The following LMF1 variants were observed in gnomAD, a reference collection of about 807,000 sequenced individuals.
The protein encoded by LMF1 is transmembrane protein 112.
A neutral mutation model predicts 60.6 loss-of-function variants in LMF1; 68 were observed. That is an observed-to-expected ratio of 1.12 (90% confidence interval 0.92 to 1.37). LMF1 has a LOEUF of 1.37. Among genes scored for constraint, LMF1 ranks in the 40% most tolerant of loss-of-function variants. The pLI is 0.00. For missense variants in LMF1, 948 were observed against 767.2 expected, an observed-to-expected ratio of 1.24 and a Z score of -2.78; for synonymous variants, 418 against 324.7, an observed-to-expected ratio of 1.29 and a Z score of -3.09.
upstream of LMF1, among the ~76,000 whole-genome samples, chr16:973,123 A>G (rs2073080214): frequency 6.6e-6 from 1 of 152,152 alleles, no homozygotes; most frequent in South Asian, 2.1e-4. Context: ...CAGGTGGATC[A>G]CCTGAGGTCA....
intron 4 of LMF1, among the ~76,000 whole-genome samples, chr16:894,035 GCCCACTCGTCCCCTGTCCACCA>G (rs2070579457): frequency 8.2e-6 from 1 of 121,736 alleles, no homozygotes. Context: ...CGGGCCGTCT[GCCCACTCGTCCCCTGTCCACCA>G]GACCATCCGC....
intron 1 of LMF1, chr16:980,811 C>T (rs2073332740): frequency 6.6e-6 from 1 of 152,270 alleles, no homozygotes. Flanking sequence ...CGCCCTCTCC[C>T]CGCCTCCGCA....
rs778121998 is a variant in LMF1 at position 970,907 on chromosome 16, G to A, written c.74C>T (p.Pro25Leu). ...LRRRKTGYSD[P>L]EPESPPAPGR... is the part of the protein sequence containing the mutation. ...CGGCGCGGGCGGCGACTCAGGCTCC[G>A]GATCCGAGTACCCAGTCTTCCGCCT... is the stretch of plus-strand genomic sequence containing the variant. Residue 25 changes from proline (P) to leucine (L), a missense_variant, in exon 1 of 11, where the codon CCG becomes CTG. Physicochemically the swap from Pro to Leu is moderately conservative, Grantham distance 98. Coordinates refer to ENST00000262301, the MANE Select transcript of LMF1 (RefSeq NM_022773.4). 3.2e-6 allele frequency: 5 copies of A among 1,581,716 alleles called. No homozygotes were observed. Among genetic ancestry groups the A allele is most frequent in the Non-Finnish European group, 4.3e-6 (5 of 1,165,542 alleles).
intron 5 of LMF1, 89 bp from the exon 6 acceptor site, chr16:879,826 C>A: frequency 7.6e-7 from 1 of 1,308,892 alleles, no homozygotes. Flanking sequence ...CCCCCTGACC[C>A]CGGCTCCTAC....
At chr16:892,217 G>A (rs141814637) in intron 5 of LMF1, among the ~76,000 whole-genome samples, 10 of 152,326 alleles carry the variant, frequency 6.6e-5, no homozygotes, top group Admixed American at 5.9e-4. Context: ...ACTGGCTGTC[G>A]GCAGCAGGCA....
At chr16:932,269 C>T (rs902597393) in intron 3 of LMF1, among the ~76,000 whole-genome samples, 1 of 152,210 alleles carries the variant, frequency 6.6e-6, no homozygotes, top group East Asian at 1.9e-4. Context: ...TCATCCTCAG[C>T]GATGGGTCCT....
Position 883,074 on chromosome 16 carries a change from C to T in LMF1, c.730-3337G>A, listed in dbSNP as rs192168608. Among the ~76,000 whole-genome samples, 171 of 147,112 alleles carry T rather than the reference C, an allele frequency of 1.2e-3. 1 individual carries two copies. Among genetic ancestry groups the T allele is most frequent in the Middle Eastern group, 3.6e-3 (1 of 276 alleles). On this transcript the variant is annotated intron_variant, in intron 5 of 10. Coordinates refer to ENST00000262301, the MANE Select transcript of LMF1 (RefSeq NM_022773.4). ...ACCAGGAGAAAGAGGAGCCACCCAGCGGAGCCCATTGCAGGACCAGGAGAA... is the reference window on the plus strand; with the variant it reads ...ACCAGGAGAAAGAGGAGCCACCCAGTGGAGCCCATTGCAGGACCAGGAGAA...
At chr16:930,112 GAGCCCAGGACAGC>G in intron 3 of LMF1, among the ~76,000 whole-genome samples, 1 of 105,600 alleles carries the variant, frequency 9.5e-6, no homozygotes. Context: ...CTGGGACACA[GAGCCCAGGACAGC>G]AGTGGTGGCG....
intron 10 of LMF1, among the ~76,000 whole-genome samples, chr16:867,169 T>A (rs1357413470): frequency 6.6e-6 from 1 of 152,224 alleles, no homozygotes; most frequent in African/African-American, 2.4e-5. Flanking sequence ...TGTTCAATAA[T>A]GTTTTCCCTA....
chr16:920,827 G>A (rs145410946), intron 3 of LMF1, among the ~76,000 whole-genome samples: 43 of 152,346 alleles, frequency 2.8e-4, no homozygotes, highest in African/African-American at 9.6e-4. Flanking sequence ...TCGACTTCCC[G>A]TCCAAAACGA....
intron 3 of LMF1, among the ~76,000 whole-genome samples, chr16:922,459 G>A (rs1362662615): frequency 1.3e-5 from 2 of 152,218 alleles, no homozygotes; most frequent in East Asian, 1.9e-4. Context: ...CACCTAACGT[G>A]GCCAGCCCTT....
intron 4 of LMF1, among the ~76,000 whole-genome samples, chr16:909,791 G>A (rs577730275): frequency 1.1e-4 from 16 of 152,354 alleles, no homozygotes; most frequent in African/African-American, 3.8e-4. Context: ...ACCTGAAGCT[G>A]AACACAGGCA....
intron 2 of LMF1, among the ~76,000 whole-genome samples, chr16:935,245 G>A (rs536316485): frequency 2.6e-4 from 40 of 152,150 alleles, no homozygotes; most frequent in African/African-American, 8.4e-4. Context: ...GACCACAGGT[G>A]TACACCATGA....
At position 863,008 on chromosome 16, in the gene LMF1, G is replaced by C. The variant is rs73495292; in HGVS notation, c.1529+5936C>G. On this transcript the variant is annotated intron_variant, in intron 10 of 10. Transcript: ENST00000262301. Reference sequence around the variant, plus strand: ...TTTAAAATGACAAATTCAATTTCTAGTTATAGGGCTATTTAAATTATTATT... The same window carrying C: ...TTTAAAATGACAAATTCAATTTCTACTTATAGGGCTATTTAAATTATTATT... 9.3e-3 allele frequency among the ~76,000 whole-genome samples: 1,422 copies of C among 152,280 alleles called. 24 individuals are homozygous for C. Among genetic ancestry groups the C allele is most frequent in the African/African-American group, 0.033 (1,367 of 41,542 alleles).
In LMF1 at chr16:854,090, G is replaced by T. The variant is rs1453396024; in HGVS notation, c.*442C>A. On this transcript the variant is annotated 3_prime_UTR_variant, in exon 11 of 11. Transcript: ENST00000262301. ...GACAGGGACTTGGCTCTGAGGGTCA[G>T]GACCTGGCTGGGAACACACCATTGA... The T allele has an allele frequency of 2.2e-6, 1 of 457,446 alleles. No individual in the cohort carries two copies. The highest frequency in any genetic ancestry group is 4.4e-6 in the Non-Finnish European group (1 of 229,250). The allele number at this position is 457,446 out of a possible 1,614,324, so 28.3% of individuals were successfully genotyped here. A position where few individuals can be genotyped will look rare whatever the true frequency, so the allele number is the denominator to read the frequency against.
At chr16:972,325 C>T (rs545048964), upstream of LMF1, among the ~76,000 whole-genome samples, 5 of 152,364 alleles carry the variant, frequency 3.3e-5, no homozygotes, top group South Asian at 8.3e-4. Flanking sequence ...GGTACGAACA[C>T]ACAAACATCC....
At chr16:895,666 A>AGGAC (rs2070642629) in intron 4 of LMF1, among the ~76,000 whole-genome samples, 1 of 152,144 alleles carries the variant, frequency 6.6e-6, no homozygotes, top group Admixed American at 6.5e-5. Context: ...CGCGCCCTGA[A>AGGAC]GGACGGCACG....
At position 867,573 on chromosome 16, in the gene LMF1, C is replaced by T. The variant is rs975366372; in HGVS notation, c.1529+1371G>A. On this transcript the variant is annotated intron_variant, in intron 10 of 10. Transcript: ENST00000262301. ...TGAGCCAGGGGAACGGCCGCCTGTC[C>T]GGGCTCCAAGGTCTCAGGCTCCCAG... Among the ~76,000 whole-genome samples the T allele has an allele frequency of 1.4e-4, 21 of 152,338 alleles. No individual in the cohort carries two copies. The South Asian group carries it at 2.1e-3, about 15-fold the overall frequency.
At chr16:949,195 T>TGAGAGTCAGCCAAC (rs2072357887) in intron 2 of LMF1, among the ~76,000 whole-genome samples, 3 of 80,998 alleles carry the variant, frequency 3.7e-5, no homozygotes, top group Non-Finnish European at 7.1e-5. Flanking sequence ...AGTCAGCCAA[T>TGAGAGTCAGCCAAC]GACAGTCAGC....
Sources: allele counts gnomAD v4.1 joint callset (sites outside exome capture counted in the v4.1 genomes callset), GRCh38; gene constraint gnomAD v4.1.1; transcripts MANE v1.5; gene names NCBI Gene and HGNC (gene_info 2026-07-23, HGNC 2026-07-21).